SLC9A9: variants seen among roughly 807,000 people sequenced by gnomAD.
SLC9A9 encodes the protein sodium/hydrogen exchanger 9.
A neutral mutation model predicts 77.8 loss-of-function variants in SLC9A9; 62 were observed. That is an observed-to-expected ratio of 0.80 (90% CI 0.65 to 0.98). The LOEUF is 0.98. SLC9A9 is among the 50% of genes least tolerant of loss of function. The pLI is 0.00. For synonymous variants in SLC9A9, 320 were observed against 283.5 expected, an observed-to-expected ratio of 1.13 and a Z score of -1.29; for missense variants, 775 against 774.9, an observed-to-expected ratio of 1.00 and a Z score of 0.00.
At chr3:143,536,061 G>A (rs1050604685) in intron 9 of SLC9A9, among the ~76,000 whole-genome samples, 3 of 152,110 alleles carry the variant, frequency 2.0e-5, no homozygotes, top group Non-Finnish European at 2.9e-5. Flanking sequence ...AATTATCTAT[G>A]GCATAATAGA....
intron 14 of SLC9A9, among the ~76,000 whole-genome samples, chr3:143,341,753 A>G (rs1315348293): frequency 6.6e-6 from 1 of 152,214 alleles, no homozygotes; most frequent in African/African-American, 2.4e-5. Context: ...TTACAATCAT[A>G]TAATTTATTG....
intron 4 of SLC9A9, among the ~76,000 whole-genome samples, chr3:143,761,281 G>C (rs2007112897): frequency 6.6e-6 from 1 of 152,160 alleles, no homozygotes; most frequent in Non-Finnish European, 1.5e-5. Context: ...CACAGGCAGA[G>C]GCAAGGACTT....
chr3:143,440,838 C>A (rs1408287674), intron 12 of SLC9A9, among the ~76,000 whole-genome samples: 2 of 152,166 alleles, frequency 1.3e-5, no homozygotes, highest in East Asian at 1.9e-4. Context: ...TTAAAGCAAG[C>A]CTGGCATAAC....
At chr3:143,369,806 T>C (rs763591166) in intron 13 of SLC9A9, among the ~76,000 whole-genome samples, 1 of 152,182 alleles carries the variant, frequency 6.6e-6, no homozygotes, top group Non-Finnish European at 1.5e-5. Context: ...AAAGGCATTG[T>C]GGCTTTCTTT....
At chr3:143,545,451 A>G (rs2036771294) in intron 9 of SLC9A9, among the ~76,000 whole-genome samples, 2 of 152,212 alleles carry the variant, frequency 1.3e-5, no homozygotes. Flanking sequence ...GGACCTCCAA[A>G]GGACAAGAAC....
intron 4 of SLC9A9, among the ~76,000 whole-genome samples, chr3:143,750,746 TATAC>T (rs2006682620): frequency 6.7e-6 from 1 of 148,322 alleles, no homozygotes; most frequent in African/African-American, 2.4e-5. Context: ...TATATATATA[TATAC>T]ATATATAATT....
intron 12 of SLC9A9, among the ~76,000 whole-genome samples, chr3:143,439,650 T>C (rs776898501): frequency 1.6e-4 from 24 of 152,286 alleles, no homozygotes; most frequent in Non-Finnish European, 3.4e-4. Context: ...TCCCTTTAGT[T>C]AGGGGCCAGA....
chr3:143,655,366 G>T, intron 5 of SLC9A9: 1 of 630,718 alleles, frequency 1.6e-6, no homozygotes, highest in Non-Finnish European at 2.0e-6. Context: ...CCATGTAAAT[G>T]AGAGTTCTTG....
At chr3:143,351,836 T>C (rs1360318517) in intron 14 of SLC9A9, among the ~76,000 whole-genome samples, 1 of 152,168 alleles carries the variant, frequency 6.6e-6, no homozygotes, top group East Asian at 1.9e-4. Flanking sequence ...TATGAAGCAC[T>C]TGATGTTTGC....
At chr3:143,692,291 G>T (rs984358617) in intron 5 of SLC9A9, among the ~76,000 whole-genome samples, 1 of 152,046 alleles carries the variant, frequency 6.6e-6, no homozygotes, top group African/African-American at 2.4e-5. Flanking sequence ...TGTGCAAACT[G>T]CTATACAAAC....
intron 14 of SLC9A9, among the ~76,000 whole-genome samples, chr3:143,361,172 T>C (rs2032744554): frequency 6.6e-6 from 1 of 152,258 alleles, no homozygotes; most frequent in Non-Finnish European, 1.5e-5. Flanking sequence ...CTGATTCTAT[T>C]TATTTGGAGA....
intron 4 of SLC9A9, among the ~76,000 whole-genome samples, chr3:143,782,735 T>C (rs1018998063): frequency 1.3e-5 from 2 of 152,226 alleles, no homozygotes; most frequent in Non-Finnish European, 2.9e-5. Context: ...AATCTTTTTA[T>C]GAACTCATTG....
chr3:143,831,297 A>C (rs1218840048), intron 2 of SLC9A9, among the ~76,000 whole-genome samples: 1 of 152,154 alleles, frequency 6.6e-6, no homozygotes, highest in Non-Finnish European at 1.5e-5. Flanking sequence ...CCAAAGACTG[A>C]TCCAGGGTTT....
chr3:143,433,900 C>T (rs1306778350), intron 12 of SLC9A9, among the ~76,000 whole-genome samples: 2 of 152,242 alleles, frequency 1.3e-5, no homozygotes, highest in African/African-American at 4.8e-5. Context: ...ATCTTCTATA[C>T]CTTTGCATGC....
chr3:143,445,143 C>G (rs1383810588), intron 12 of SLC9A9, among the ~76,000 whole-genome samples: 5 of 152,212 alleles, frequency 3.3e-5, no homozygotes, highest in Non-Finnish European at 4.4e-5. Context: ...TCTTTAGATA[C>G]ATTCTTGGTG....
At chr3:143,396,299 G>A (rs1261150812) in intron 12 of SLC9A9, among the ~76,000 whole-genome samples, 1 of 152,116 alleles carries the variant, frequency 6.6e-6, no homozygotes, top group Non-Finnish European at 1.5e-5. Flanking sequence ...GTCCTTTGTA[G>A]GGACATGGAT....
intron 8 of SLC9A9, among the ~76,000 whole-genome samples, chr3:143,563,692 C>CA (rs1188251378): frequency 2.0e-5 from 3 of 151,900 alleles, no homozygotes; most frequent in South Asian, 4.2e-4. Flanking sequence ...CCCTTGTGGG[C>CA]AAAAAAATGA....
intron 8 of SLC9A9, among the ~76,000 whole-genome samples, chr3:143,561,996 T>G (rs2037095476): frequency 6.6e-6 from 1 of 152,208 alleles, no homozygotes; most frequent in Non-Finnish European, 1.5e-5. Flanking sequence ...TAATCTAAAC[T>G]TAGACAATTC....
intron 5 of SLC9A9, among the ~76,000 whole-genome samples, chr3:143,665,461 C>T (rs2039049465): frequency 6.6e-6 from 1 of 152,034 alleles, no homozygotes; most frequent in Non-Finnish European, 1.5e-5. Flanking sequence ...CAAAAGCTAG[C>T]AGAAGGCAAT....
Sources: allele counts gnomAD v4.1 joint callset (sites outside exome capture counted in the v4.1 genomes callset), GRCh38; gene constraint gnomAD v4.1.1; transcripts MANE v1.5; gene names NCBI Gene and HGNC (gene_info 2026-07-23, HGNC 2026-07-21).